ARHGAP26: variants seen among roughly 807,000 people sequenced by gnomAD.
ARHGAP26 encodes Rho GTPase activating protein 26, also known as rho GTPase-activating protein 26.
In ARHGAP26, 38 loss-of-function variants were observed where a neutral mutation model predicts 104.8. The ratio of observed to expected loss-of-function variants is 0.36; its 90% CI spans 0.28 to 0.48. The LOEUF (loss-of-function observed/expected upper bound fraction) is 0.48. Ranked by LOEUF, ARHGAP26 falls within the 20% of genes least tolerant of loss-of-function variation. The pLI, the probability that ARHGAP26 is intolerant of heterozygous loss-of-function variation, is 0.99. For synonymous variants in ARHGAP26, 341 were observed against 340.0 expected, an observed-to-expected ratio of 1.00 and a Z score of -0.03; for missense variants, 704 against 947.9, an observed-to-expected ratio of 0.74 and a Z score of 3.38.
At chr5:143,039,353 G>A (rs1292365445) in intron 13 of ARHGAP26, among the ~76,000 whole-genome samples, 5 of 147,750 alleles carry the variant, frequency 3.4e-5, no homozygotes, top group Admixed American at 6.7e-5. Flanking sequence ...CATTACAGGC[G>A]CCTGCCACCA....
chr5:142,786,853 G>T (rs1758762398), intron 1 of ARHGAP26, among the ~76,000 whole-genome samples: 1 of 151,762 alleles, frequency 6.6e-6, no homozygotes, highest in Non-Finnish European at 1.5e-5. Flanking sequence ...CACCATGTTG[G>T]CCAGGCTGGT....
At chr5:143,156,893 T>G (rs759176733) in intron 20 of ARHGAP26, among the ~76,000 whole-genome samples, 8 of 152,244 alleles carry the variant, frequency 5.3e-5, no homozygotes, top group Non-Finnish European at 8.8e-5. Flanking sequence ...AGTCAGCTGC[T>G]TCGCAAATGC....
intron 20 of ARHGAP26, among the ~76,000 whole-genome samples, chr5:143,149,118 A>G (rs1799506611): frequency 6.6e-6 from 1 of 152,076 alleles, no homozygotes; most frequent in Admixed American, 6.5e-5. Context: ...TTTTCATAAC[A>G]TCCTGGGAAT....
At chr5:142,890,921 G>A (rs1215299501) in intron 5 of ARHGAP26, among the ~76,000 whole-genome samples, 1 of 152,234 alleles carries the variant, frequency 6.6e-6, no homozygotes, top group Non-Finnish European at 1.5e-5. Context: ...TGATGTGGGA[G>A]TCAATTCTGT....
chr5:142,846,689 G>A (rs55844249), intron 1 of ARHGAP26, among the ~76,000 whole-genome samples: 6,740 of 152,256 alleles, frequency 0.044, 172 homozygotes, highest in South Asian at 0.094. Context: ...CTTACATTTT[G>A]TGCTGTCCTG....
intron 10 of ARHGAP26, among the ~76,000 whole-genome samples, chr5:142,915,359 T>G (rs1265559456): frequency 5.9e-5 from 9 of 151,636 alleles, no homozygotes; most frequent in Non-Finnish European, 1.3e-4. Flanking sequence ...TCCTCTTTTT[T>G]TTTTTTTTTT....
chr5:142,924,272 A>T (rs1019881763), intron 10 of ARHGAP26, among the ~76,000 whole-genome samples: 1 of 151,632 alleles, frequency 6.6e-6, no homozygotes, highest in Non-Finnish European at 1.5e-5. Context: ...TCTTCTCCTT[A>T]AGATGCTGGT....
rs10667047 is a variant in ARHGAP26 at position 142,904,525 on chromosome 5, G to GAA, written c.832+867_832+868dup. Among the ~76,000 whole-genome samples the GAA allele has an allele frequency of 1.1e-3, 150 of 142,042 alleles. 2 individuals carry two copies. Among genetic ancestry groups the GAA allele is most frequent in the Admixed American group, 2.0e-3 (28 of 14,344 alleles). The allele number at this position is 142,042 out of a possible 152,430, so 93.2% of individuals were successfully genotyped here. A position where few individuals can be genotyped will look rare whatever the true frequency, so the allele number is the denominator to read the frequency against. On this transcript the variant is annotated intron_variant, in intron 8 of 22. Transcript: ENST00000645722. ...CAGAGCAAGACCCTGTCTCTTAAAA[G>GAA]AAAAAAAAAAAAGAGCCAAGAATAC...
chr5:143,121,450 C>T (rs1389777123), intron 18 of ARHGAP26, among the ~76,000 whole-genome samples: 1 of 152,104 alleles, frequency 6.6e-6, no homozygotes, highest in East Asian at 1.9e-4. Flanking sequence ...GTTATTTTAT[C>T]CTCACAACAA....
intron 1 of ARHGAP26, among the ~76,000 whole-genome samples, chr5:142,812,268 T>TTTA (rs1478948398): frequency 2.0e-5 from 3 of 152,178 alleles, no homozygotes; most frequent in African/African-American, 7.2e-5. Flanking sequence ...TTTTCATATT[T>TTTA]TTAGAGCTGG....
chr5:143,020,505 G>C lies in ARHGAP26; in HGVS notation c.1144+6389G>C, dbSNP rs142546543. Among the ~76,000 whole-genome samples the C allele has an allele frequency of 4.2e-3, 631 of 151,996 alleles. 7 individuals carry two copies. The highest frequency in any genetic ancestry group is 0.015 in the African/African-American group (615 of 41,460). On this transcript the variant is annotated intron_variant, in intron 12 of 22. Transcript: ENST00000645722. The stretch of plus-strand genomic sequence containing the variant: ...ATGGATTTGAGAGTGAGCTACACTT[G>C]AAAAATGGAAATTTCCTCCCTTCTC...
chr5:143,032,770 T>G (rs173499), intron 12 of ARHGAP26, among the ~76,000 whole-genome samples: 1 of 152,058 alleles, frequency 6.6e-6, no homozygotes, highest in African/African-American at 2.4e-5. Context: ...TGTTAATTAT[T>G]AGTAATCTAA....
chr5:143,203,255 G>A (rs1808050545), intron 20 of ARHGAP26: 1 of 152,150 alleles, frequency 6.6e-6, no homozygotes, highest in Non-Finnish European at 1.5e-5. Context: ...CAAAAAGTGG[G>A]TGAAGGATAT....
chr5:142,935,477 A>T (rs990451270), intron 11 of ARHGAP26, among the ~76,000 whole-genome samples: 2 of 152,204 alleles, frequency 1.3e-5, no homozygotes, highest in African/African-American at 4.8e-5. Flanking sequence ...TGCTTCAGTA[A>T]AACTTTATTA....
chr5:142,953,350 C>G (rs969718918), intron 11 of ARHGAP26, among the ~76,000 whole-genome samples: 2 of 152,184 alleles, frequency 1.3e-5, no homozygotes, highest in African/African-American at 2.4e-5. Flanking sequence ...AAATAGTTCC[C>G]TTTTTCCTTC....
intron 1 of ARHGAP26, chr5:142,772,608 T>G: frequency 7.2e-6 from 3 of 416,042 alleles, no homozygotes; most frequent in South Asian, 3.7e-5. Flanking sequence ...AATTATCTCA[T>G]GTGCTTAGAT....
intron 2 of ARHGAP26, chr5:142,874,789 T>C (rs1019008468): frequency 2.2e-5 from 5 of 224,976 alleles, no homozygotes; most frequent in Admixed American, 5.5e-5. Flanking sequence ...CTTCAACTCC[T>C]AAGCGGAACT....
chr5:142,995,839 A>G (rs1402935318), intron 11 of ARHGAP26, among the ~76,000 whole-genome samples: 3 of 152,258 alleles, frequency 2.0e-5, no homozygotes, highest in Non-Finnish European at 4.4e-5. Context: ...GCCATAAAAA[A>G]GAATGCATTC....
At chr5:143,146,042 A>T (rs991605869) in intron 19 of ARHGAP26, among the ~76,000 whole-genome samples, 2 of 152,156 alleles carry the variant, frequency 1.3e-5, no homozygotes, top group Admixed American at 1.3e-4. Flanking sequence ...ACTCTGAGGG[A>T]TATATTGTAA....
Sources: gnomAD v4.1 joint callset for allele counts (sites outside exome capture counted in the v4.1 genomes callset) on GRCh38, gnomAD v4.1.1 for gene constraint, MANE v1.5 for transcripts, NCBI Gene and HGNC (gene_info 2026-07-23, HGNC 2026-07-21) for gene names.